The following DNAI4 variants were observed in gnomAD, a reference collection of about 807,000 sequenced individuals.
DNAI4 encodes the protein WD repeat domain 78.
DNAI4 carries 85 observed loss-of-function variants against 105.8 expected under a neutral mutation model. The observed-to-expected ratio is 0.80, with a 90% CI of 0.67 to 0.96. The LOEUF (loss-of-function observed/expected upper bound fraction) is 0.96. Ranked by LOEUF, DNAI4 falls within the 40% of genes least tolerant of loss-of-function variation. The pLI is 0.00. For missense variants in DNAI4, 1,014 were observed against 1,005.6 expected (o/e 1.01, Z -0.11); for synonymous variants, 352 against 331.5 (o/e 1.06, Z -0.67).
At chr1:66,892,997 GAGAGAA>G (rs1557964700) in intron 3 of DNAI4, among the ~76,000 whole-genome samples, 5 of 111,478 alleles carry the variant, frequency 4.5e-5, no homozygotes, top group African/African-American at 2.0e-4. Flanking sequence ...AAGAAAGAAA[GAGAGAA>G]AGAGAGAGAG....
intron 1 of DNAI4, among the ~76,000 whole-genome samples, chr1:66,912,827 A>T (rs1649761528): frequency 6.6e-6 from 1 of 152,168 alleles, no homozygotes; most frequent in Admixed American, 6.5e-5. Context: ...CAAATTTCCT[A>T]TCAGTGCTTG....
intron 6 of DNAI4, among the ~76,000 whole-genome samples, chr1:66,866,533 C>T (rs1646738058): frequency 6.6e-6 from 1 of 152,046 alleles, no homozygotes; most frequent in Non-Finnish European, 1.5e-5. Context: ...TAGTCATCAT[C>T]CTTCTGGGAA....
intron 4 of DNAI4, among the ~76,000 whole-genome samples, chr1:66,876,546 T>C (rs1646962997): frequency 6.6e-6 from 1 of 152,164 alleles, no homozygotes. Context: ...TTACCATTCA[T>C]AGACAAAGCC....
chr1:66,858,869 T>G (rs56383833), intron 7 of DNAI4, among the ~76,000 whole-genome samples: 2 of 152,194 alleles, frequency 1.3e-5, no homozygotes, highest in African/African-American at 4.8e-5. Context: ...GGTGAGAAAC[T>G]GAAAACTTTC....
In DNAI4 at chr1:66,924,837, C is replaced by T. The variant is rs974949288; in HGVS notation, c.-6G>A. ...GAATGTTTGCCGGGCGTCATGGCGACGGTGGAGCCCTGGCTCAACAAGCGG... is the reference window on the plus strand; with the variant it reads ...GAATGTTTGCCGGGCGTCATGGCGATGGTGGAGCCCTGGCTCAACAAGCGG... On this transcript the variant is annotated 5_prime_UTR_variant, in exon 1 of 17. Coordinates refer to ENST00000371026, the MANE Select transcript of DNAI4 (RefSeq NM_024763.5). The T allele has an allele frequency of 3.1e-6, 5 of 1,613,356 alleles. No homozygotes were observed. Among genetic ancestry groups the T allele is most frequent in the Non-Finnish European group, 4.2e-6 (5 of 1,179,728 alleles).
chr1:66,860,559 T>C (rs544948465), intron 7 of DNAI4, among the ~76,000 whole-genome samples: 3 of 152,132 alleles, frequency 2.0e-5, no homozygotes, highest in Non-Finnish European at 4.4e-5. Flanking sequence ...TGACTGGCTA[T>C]AATAGTAAAA....
At position 66,912,783 on chromosome 1, in the gene DNAI4, A is replaced by G. The variant is rs915780737; in HGVS notation, c.171-7408T>C. Among the ~76,000 whole-genome samples, 15 of 152,306 alleles carry G rather than the reference A, an allele frequency of 9.8e-5. No individual in the cohort carries two copies. The South Asian group carries it at 1.0e-3, about 11-fold the overall frequency. On this transcript the variant is annotated intron_variant, in intron 1 of 16. Transcript: ENST00000371026. ...GGGGTTCACATTTTGGTAACCACGA[A>G]GGGATTCTGAACGTGGATGCCCCTG...
intron 1 of DNAI4, among the ~76,000 whole-genome samples, chr1:66,914,165 G>A (rs1234825211): frequency 6.6e-6 from 1 of 152,070 alleles, no homozygotes; most frequent in Non-Finnish European, 1.5e-5. Flanking sequence ...AGAGTGAGGT[G>A]AAAACAAGCA....
intron 10 of DNAI4, 144 bp downstream of exon 10, chr1:66,837,566 A>T: frequency 1.0e-6 from 1 of 986,228 alleles, no homozygotes; most frequent in Non-Finnish European, 1.5e-6. Flanking sequence ...AACAAATTTT[A>T]ATTGCTATGA....
chr1:66,824,923 C>T (rs1043229248), intron 15 of DNAI4, among the ~76,000 whole-genome samples: 4 of 152,326 alleles, frequency 2.6e-5, no homozygotes, highest in Middle Eastern at 6.8e-3. Context: ...ATTCTACCTG[C>T]AGAATGCCTT....
intron 3 of DNAI4, among the ~76,000 whole-genome samples, chr1:66,893,010 AG>A (rs1217879693): frequency 0.01 from 1,125 of 108,026 alleles, 13 homozygotes; most frequent in Non-Finnish European, 0.016. Context: ...AGAAAGAGAG[AG>A]AGGAAAGAAA....
At chr1:66,820,074 G>T (rs185791064) in intron 16 of DNAI4, among the ~76,000 whole-genome samples, 13 of 152,236 alleles carry the variant, frequency 8.5e-5, no homozygotes, top group African/African-American at 3.1e-4. Flanking sequence ...TCATTGAGTT[G>T]TGTATCTTAG....
chr1:66,893,559 T>G, intron 2 of DNAI4, 146 bp from the exon 3 acceptor site: 1 of 478,168 alleles, frequency 2.1e-6, no homozygotes, highest in Non-Finnish European at 3.4e-6. Flanking sequence ...TTGGATGCTT[T>G]AAAATGTCAT....
chr1:66,862,205 T>C lies in DNAI4; in HGVS notation c.1038A>G (p.Lys346=). 6.2e-7 allele frequency: 1 copy of C among 1,607,324 alleles called. No individual in the cohort carries two copies. Among genetic ancestry groups the C allele is most frequent in the Non-Finnish European group, 8.5e-7 (1 of 1,177,654 alleles). ...VKQSVVESSS[K]ANVLPKDQDQ... is the part of the protein sequence containing the mutation. ...CCTGATCTTTAGGAAGTACATTTGC[T>C]TTACTACTTGACTCAACCACAGATT... The change falls in exon 7 of 17, where the codon AAA becomes AAG. Residue 346 remains lysine (K), a synonymous_variant. Transcript: ENST00000371026.
chr1:66,883,341 A>C (rs1647122041), intron 4 of DNAI4, among the ~76,000 whole-genome samples: 1 of 151,980 alleles, frequency 6.6e-6, no homozygotes, highest in Admixed American at 6.6e-5. Flanking sequence ...GCAATGGCGC[A>C]ATCTGGGCTC....
At chr1:66,819,740 A>T (rs1645588070) in intron 16 of DNAI4, among the ~76,000 whole-genome samples, 1 of 152,118 alleles carries the variant, frequency 6.6e-6, no homozygotes, top group Admixed American at 6.6e-5. Context: ...CAACATGTCA[A>T]TACTCACAGA....
Position 66,816,727 on chromosome 1 carries a change from TCACACACACACACACACACACACACACA to T in DNAI4, c.2497-2575_2497-2548del, listed in dbSNP as rs57920483. On this transcript the variant is annotated intron_variant, in intron 16 of 16. Coordinates refer to ENST00000371026, the MANE Select transcript of DNAI4 (RefSeq NM_024763.5). ...AAAATTATTCTTACCAGCCTTGAAA[TCACACACACACACACACACACACACACA>T]CACACACACACACACACACAGGTTT... 1.2e-4 allele frequency among the ~76,000 whole-genome samples: 16 copies of T among 137,766 alleles called. No homozygotes were observed. The South Asian group carries it at 1.5e-3, about 13-fold the overall frequency. 90.4% of individuals were successfully genotyped at this position (137,766 alleles called of 152,430 possible).
At position 66,822,486 on chromosome 1, in the gene DNAI4, G is replaced by A; in HGVS notation, c.2371C>T (p.Pro791Ser). 6.2e-7 allele frequency: 1 copy of A among 1,610,908 alleles called. No homozygotes were observed. The change falls in exon 16 of 17, where the codon CCT (proline) becomes TCT (serine). Residue 791 changes from proline to serine, a missense_variant. Pro to Ser is a moderately conservative substitution (Grantham distance 74). Transcript: ENST00000371026. ...LDPLIVNTAN[P>S]GIKFTTILFA... is the part of the protein sequence containing the mutation. ...AGAATGGTTGTGAACTTGATTCCAG[G>A]GTTAGCAGTATTCACAATCAGAGGG...
At chr1:66,919,057 T>C in intron 1 of DNAI4, 1 of 432,362 alleles carries the variant, frequency 2.3e-6, no homozygotes, top group South Asian at 1.7e-5. Context: ...AAGTTGTCCC[T>C]GCCTTTCTGG....
Sources: allele counts gnomAD v4.1 joint callset (sites outside exome capture counted in the v4.1 genomes callset), GRCh38; gene constraint gnomAD v4.1.1; transcripts MANE v1.5; gene names NCBI Gene and HGNC (gene_info 2026-07-23, HGNC 2026-07-21).